Variants in GNAQ observed in about 807,000 individuals in gnomAD.
GNAQ encodes G protein subunit alpha q.
GNAQ carries 8 observed loss-of-function variants against 43.9 expected under a neutral mutation model. That is an observed-to-expected ratio of 0.18 (90% CI 0.11 to 0.33). The LOEUF is 0.33. GNAQ is among the 10% of genes least tolerant of loss of function. The pLI, the probability that GNAQ is intolerant of heterozygous loss-of-function variation, is 1.00. For synonymous variants in GNAQ, 155 were observed against 170.7 expected (o/e 0.91, Z 0.71); for missense variants, 158 against 450.8 (o/e 0.35, Z 5.88).
rs548973468 is a variant in GNAQ at position 77,967,116 on chromosome 9, C to T, written c.137-44771G>A. Among the ~76,000 whole-genome samples the T allele has an allele frequency of 3.9e-5, 6 of 152,262 alleles. No individual in the cohort carries two copies. In the South Asian group the frequency reaches 6.2e-4, roughly 16 times the overall value. On this transcript the variant is annotated intron_variant, in intron 1 of 6. Transcript: ENST00000286548. Reference sequence around the variant, plus strand: ...CTTTTTATCTTCACGGGAAATCTAACGTGTAGGTGAACTATCTTCTTTAAC... The same window carrying T: ...CTTTTTATCTTCACGGGAAATCTAATGTGTAGGTGAACTATCTTCTTTAAC...
intron 5 of GNAQ, among the ~76,000 whole-genome samples, chr9:77,789,108 G>C (rs1326526463): frequency 1.3e-5 from 2 of 152,128 alleles, no homozygotes; most frequent in Non-Finnish European, 2.9e-5. Flanking sequence ...GTACACAATT[G>C]TATGGTTCTT....
chr9:77,730,947 GGT>G (rs1053275902), intron 5 of GNAQ, among the ~76,000 whole-genome samples: 1 of 152,070 alleles, frequency 6.6e-6, no homozygotes, highest in African/African-American at 2.4e-5. Flanking sequence ...ATGGGAGAGT[GGT>G]GTTTTTCTTT....
intron 5 of GNAQ, among the ~76,000 whole-genome samples, chr9:77,759,493 C>T (rs186558191): frequency 3.3e-5 from 5 of 152,176 alleles, no homozygotes; most frequent in East Asian, 1.9e-4. Flanking sequence ...TACTTATATG[C>T]GAAACACTTA....
At chr9:77,780,751 T>A (rs989527588) in intron 5 of GNAQ, among the ~76,000 whole-genome samples, 26 of 152,118 alleles carry the variant, frequency 1.7e-4, no homozygotes, top group African/African-American at 6.3e-4. Context: ...GTTCCTTTTT[T>A]TCCACATCCT....
At chr9:77,799,848 T>C (rs533709452) in intron 3 of GNAQ, among the ~76,000 whole-genome samples, 39 of 152,322 alleles carry the variant, frequency 2.6e-4, no homozygotes, top group East Asian at 2.5e-3. Flanking sequence ...CAGCTCTCTG[T>C]TGAGTAACAG....
intron 2 of GNAQ, among the ~76,000 whole-genome samples, chr9:77,871,567 G>T (rs1244414478): frequency 6.6e-6 from 1 of 152,068 alleles, no homozygotes; most frequent in Non-Finnish European, 1.5e-5. Flanking sequence ...GGGCTTTTCT[G>T]ATCCCTTTTA....
At chr9:77,922,444 T>A in intron 1 of GNAQ, 99 bp from the exon 2 acceptor site, 1 of 817,790 alleles carries the variant, frequency 1.2e-6, no homozygotes, top group Non-Finnish European at 2.0e-6. Flanking sequence ...CATCCCCAGA[T>A]AGCCTGCTGA....
intron 2 of GNAQ, among the ~76,000 whole-genome samples, chr9:77,879,751 T>A (rs1024534737): frequency 2.6e-5 from 4 of 152,224 alleles, no homozygotes; most frequent in Non-Finnish European, 5.9e-5. Context: ...GAGGCAGATA[T>A]GATACGGTGA....
At position 77,740,910 on chromosome 9, in the gene GNAQ, C is replaced by A. The variant is rs182626991; in HGVS notation, c.736-12243G>T. 6.4e-4 allele frequency among the ~76,000 whole-genome samples: 97 copies of A among 152,352 alleles called. 1 individual carries two copies. In the East Asian group the frequency reaches 0.018, roughly 28 times the overall value. On this transcript the variant is annotated intron_variant, in intron 5 of 6. Coordinates refer to ENST00000286548, the MANE Select transcript of GNAQ (RefSeq NM_002072.5). ...TAAATATTCCAGTTTGTTGGCCACA[C>A]TGTCTGTCATAACTAGTCAACTCTG...
At chr9:77,924,970 G>A (rs1036069814) in intron 1 of GNAQ, among the ~76,000 whole-genome samples, 4 of 151,728 alleles carry the variant, frequency 2.6e-5, no homozygotes, top group Admixed American at 2.6e-4. Context: ...AACAGGAAGG[G>A]GCATTTATTC....
chr9:77,956,065 C>CT (rs1161047913), intron 1 of GNAQ, among the ~76,000 whole-genome samples: 1 of 152,094 alleles, frequency 6.6e-6, no homozygotes, highest in African/African-American at 2.4e-5. Context: ...GAAATATTGT[C>CT]TTTTTTGTTA....
chr9:77,740,984 G>A (rs1355377848), intron 5 of GNAQ, among the ~76,000 whole-genome samples: 1 of 152,308 alleles, frequency 6.6e-6, no homozygotes, highest in East Asian at 1.9e-4. Context: ...AAATGAGTGT[G>A]GCTGGGTTCC....
intron 3 of GNAQ, among the ~76,000 whole-genome samples, chr9:77,800,069 T>C (rs1826718212): frequency 6.6e-6 from 1 of 152,186 alleles, no homozygotes; most frequent in Non-Finnish European, 1.5e-5. Flanking sequence ...ACTCTACTGA[T>C]AAACCAGCTC....
intron 1 of GNAQ, among the ~76,000 whole-genome samples, chr9:77,997,357 C>A (rs1404968072): frequency 6.6e-6 from 1 of 152,218 alleles, no homozygotes; most frequent in Non-Finnish European, 1.5e-5. Context: ...CCCACCCACT[C>A]TCATATCTCC....
chr9:78,029,051 C>T (rs919528105), intron 1 of GNAQ, among the ~76,000 whole-genome samples: 3 of 152,108 alleles, frequency 2.0e-5, no homozygotes, highest in African/African-American at 2.4e-5. Flanking sequence ...AAAATTATCT[C>T]CAAGTTCATT....
chr9:77,871,713 A>C (rs1828040895), intron 2 of GNAQ, among the ~76,000 whole-genome samples: 1 of 152,144 alleles, frequency 6.6e-6, no homozygotes, highest in Non-Finnish European at 1.5e-5. Flanking sequence ...AGGATGTGTC[A>C]GTTGCTCAAA....
intron 2 of GNAQ, among the ~76,000 whole-genome samples, chr9:77,839,659 G>T (rs1171964448): frequency 2.0e-5 from 3 of 152,220 alleles, no homozygotes; most frequent in Non-Finnish European, 2.9e-5. Context: ...CTTGAACGAG[G>T]CTCCAAGAAC....
chr9:78,031,273 C>T lies in GNAQ; in HGVS notation c.-38G>A, dbSNP rs372818743. The T allele has an allele frequency of 3.7e-5, 53 of 1,444,428 alleles. No individual in the cohort carries two copies. In the South Asian group the frequency reaches 7.3e-4, roughly 20 times the overall value. 89.5% of individuals were successfully genotyped at this position (1,444,428 alleles called of 1,614,324 possible). Reference sequence around the variant, plus strand: ...CCTCCGCTGCAGCCCCGCCGGCACCCCCTGCTCACAGCGCGCACACACACC... The same window carrying T: ...CCTCCGCTGCAGCCCCGCCGGCACCTCCTGCTCACAGCGCGCACACACACC... On this transcript the variant is annotated 5_prime_UTR_variant, in exon 1 of 7. Coordinates refer to ENST00000286548, the MANE Select transcript of GNAQ (RefSeq NM_002072.5).
At position 77,956,721 on chromosome 9, in the gene GNAQ, G is replaced by A. The variant is rs1823044752; in HGVS notation, c.137-34376C>T. Reference sequence around the variant, plus strand: ...GAACTTGAGTAAACTAACTGTAGGGGCATGGAGGTGGAGGGGACCATTTCC... The same window carrying A: ...GAACTTGAGTAAACTAACTGTAGGGACATGGAGGTGGAGGGGACCATTTCC... On this transcript the variant is annotated intron_variant, in intron 1 of 6. Transcript: ENST00000286548. 2.0e-5 allele frequency among the ~76,000 whole-genome samples: 3 copies of A among 152,184 alleles called. No individual in the cohort carries two copies. In the South Asian group the frequency reaches 6.2e-4, roughly 32 times the overall value.
Sources: allele counts gnomAD v4.1 joint callset (sites outside exome capture counted in the v4.1 genomes callset), GRCh38; gene constraint gnomAD v4.1.1; transcripts MANE v1.5; gene names NCBI Gene and HGNC (gene_info 2026-07-23, HGNC 2026-07-21).